KANK4: variants seen among roughly 807,000 people sequenced by gnomAD.
KANK4 encodes the protein KN motif and ankyrin repeat domain-containing protein 4.
In KANK4, 50 loss-of-function variants were observed where a neutral mutation model predicts 80.8. The observed-to-expected ratio is 0.62, with a 90% CI of 0.49 to 0.78. The LOEUF is 0.78. KANK4 is among the 30% of genes least tolerant of loss of function. The pLI is 0.00. For missense variants in KANK4, 1,196 were observed against 1,240.1 expected (o/e 0.96, Z 0.53); for synonymous variants, 465 against 506.9 (o/e 0.92, Z 1.11).
intron 2 of KANK4, among the ~76,000 whole-genome samples, chr1:62,276,476 T>C (rs12031172): frequency 0.4 from 60,120 of 151,570 alleles, 12,659 homozygotes; most frequent in African/African-American, 0.53. Flanking sequence ...ACAGGTAAAA[T>C]AAGATTATTG....
At chr1:62,244,035 G>C (rs1054242604) in intron 9 of KANK4, among the ~76,000 whole-genome samples, 2 of 151,634 alleles carry the variant, frequency 1.3e-5, no homozygotes, top group African/African-American at 4.8e-5. Context: ...GCTCCTAGAT[G>C]TCAGATTCAG....
In KANK4 at chr1:62,279,438, G is replaced by C. The variant is rs1031144375; in HGVS notation, c.16+2111C>G. 3.3e-5 allele frequency among the ~76,000 whole-genome samples: 5 copies of C among 152,156 alleles called. No individual in the cohort carries two copies. The South Asian group carries it at 1.0e-3, about 32-fold the overall frequency. ...GGGAGCTCAGAATTCCAGGCACTGGGCCAGGGTGAGAATCAGTTAGGAAGA... is the reference window on the plus strand; with the variant it reads ...GGGAGCTCAGAATTCCAGGCACTGGCCCAGGGTGAGAATCAGTTAGGAAGA... On this transcript the variant is annotated intron_variant, in intron 2 of 9. Transcript: ENST00000371153.
At chr1:62,267,336 C>T (rs1672046813) in intron 5 of KANK4, among the ~76,000 whole-genome samples, 1 of 152,176 alleles carries the variant, frequency 6.6e-6, no homozygotes, top group South Asian at 2.1e-4. Flanking sequence ...GTGACAAGCA[C>T]TCTTCCTGTG....
rs1672246316 is a variant in KANK4, at chr1:62,274,213, C to T, written c.891G>A (p.Glu297=). The T allele has an allele frequency of 6.2e-7, 1 of 1,614,122 alleles. No individual in the cohort carries two copies. Among genetic ancestry groups the T allele is most frequent in the African/African-American group, 1.3e-5 (1 of 75,030 alleles). The part of the protein sequence containing the change: ...PPLPSPIPEN[E]LLLEEIELNI... ...TGAGCTCGATTTCTTCCAGGAGGAG[C>T]TCATTCTCAGGGATGGGTGATGGCA... Residue 297 remains glutamate, a synonymous_variant, in exon 3 of 10, where the codon GAG becomes GAA. Coordinates refer to ENST00000371153, the MANE Select transcript of KANK4 (RefSeq NM_181712.5).
At position 62,271,607 on chromosome 1, in the gene KANK4, C is replaced by T; in HGVS notation, c.1901-18G>A. 6.4e-7 allele frequency: 1 copy of T among 1,556,058 alleles called. No individual in the cohort carries two copies. The highest frequency in any genetic ancestry group is 1.7e-4 in the Middle Eastern group (1 of 5,962). On this transcript the variant is annotated intron_variant, in intron 3 of 9. Coordinates refer to ENST00000371153, the MANE Select transcript of KANK4 (RefSeq NM_181712.5). ...GGAGATCTCTAGGCAGACACAACAT[C>T]ACAGGTTAGAATGATCTTGGGGATG... is the stretch of plus-strand genomic sequence containing the variant.
Position 62,274,799 on chromosome 1 carries a change from C to T in KANK4, c.305G>A (p.Gly102Glu). Reference sequence around the variant, plus strand: ...TGGTGACTGGTTTTGCTCCTGTGTCCCAAGTGATGCCTCCCTTGGCACCAC... The same window carrying T: ...TGGTGACTGGTTTTGCTCCTGTGTCTCAAGTGATGCCTCCCTTGGCACCAC... ...SPVVPREASL[G>E]TQEQNQSPPL... The change falls in exon 3 of 10, where the codon GGG becomes GAG. Residue 102 changes from glycine to glutamate, a missense_variant. This residue lies in a region of KANK4 where 1,154 missense variants were observed against 1,179.6 expected (regional missense o/e 0.98). Coordinates refer to ENST00000371153, the MANE Select transcript of KANK4 (RefSeq NM_181712.5). 6.2e-7 allele frequency: 1 copy of T among 1,614,096 alleles called. No individual in the cohort carries two copies. The highest frequency in any genetic ancestry group is 1.1e-5 in the South Asian group (1 of 91,070).
At chr1:62,316,150 C>T (rs1453029239) in intron 1 of KANK4, among the ~76,000 whole-genome samples, 4 of 152,228 alleles carry the variant, frequency 2.6e-5, no homozygotes, top group Non-Finnish European at 4.4e-5. Flanking sequence ...CCACCAAGGG[C>T]GTCCCCCAGT....
chr1:62,274,959 C>T lies in KANK4; in HGVS notation c.145G>A (p.Gly49Arg). The T allele has an allele frequency of 3.7e-6, 6 of 1,614,090 alleles. No homozygotes were observed. Among genetic ancestry groups the T allele is most frequent in the Non-Finnish European group, 5.1e-6 (6 of 1,180,010 alleles). The change falls in exon 3 of 10, where the codon GGA becomes AGA. Residue 49 changes from glycine to arginine, a missense_variant. Gly to Arg is a moderately radical substitution (Grantham distance 125). This residue lies in a region of KANK4 where 6 missense variants were observed against 26.4 expected (regional missense o/e 0.23). Transcript: ENST00000371153. ...ATAGGAATTCTTTTGATAGTGTTTC[C>T]CTTCTCGATGTCATCCACATACTTG... is the stretch of plus-strand genomic sequence containing the variant. ...FLKYVDDIEK[G>R]NTIKRIPIHR...
chr1:62,271,697 G>T, intron 3 of KANK4, 108 bp from the exon 4 acceptor site: 1 of 798,468 alleles, frequency 1.3e-6, no homozygotes. Context: ...GTGTGGAGAG[G>T]TAAGGAGGGA....
chr1:62,296,525 G>A (rs1046222528), intron 1 of KANK4, among the ~76,000 whole-genome samples: 1 of 152,176 alleles, frequency 6.6e-6, no homozygotes. Flanking sequence ...CGAAAGCACA[G>A]AAATTATTTT....
chr1:62,266,859 A>G, intron 5 of KANK4, 40 bp from the exon 6 acceptor site: 3 of 1,241,506 alleles, frequency 2.4e-6, no homozygotes, highest in Non-Finnish European at 3.5e-6. Flanking sequence ...TTATATAATC[A>G]TTTTCAAGTT....
In KANK4 at chr1:62,273,975, T is replaced by C. The variant is rs1672238817; in HGVS notation, c.1129A>G (p.Ile377Val). 6.2e-7 allele frequency: 1 copy of C among 1,614,208 alleles called. No homozygotes were observed. The highest frequency in any genetic ancestry group is 8.5e-7 in the Non-Finnish European group (1 of 1,180,048). Residue 377 changes from isoleucine to valine, a missense_variant, in exon 3 of 10, where the codon ATC (isoleucine) becomes GTC (valine). Physicochemically the swap from Ile to Val is conservative, Grantham distance 29. Coordinates refer to ENST00000371153, the MANE Select transcript of KANK4 (RefSeq NM_181712.5). ...CGAATTCTTTGCTCCCTAGCTTTGA[T>C]TTCCTCTTCCTGCTGCTGGAGAGCA... ...RTALQQQEEE[I>V]KAREQRIREL...
At chr1:62,295,693 T>C (rs1644358054) in intron 1 of KANK4, among the ~76,000 whole-genome samples, 1 of 152,248 alleles carries the variant, frequency 6.6e-6, no homozygotes, top group African/African-American at 2.4e-5. Context: ...TTGAGACTCC[T>C]AACCCAGTGC....
Position 62,274,365 on chromosome 1 carries a change from G to C in KANK4, c.739C>G (p.Leu247Val), listed in dbSNP as rs1334631307. Residue 247 changes from leucine (L) to valine (V), a missense_variant, in exon 3 of 10, where the codon CTC (leucine) becomes GTC (valine). Leu to Val is a conservative substitution (Grantham distance 32). Coordinates refer to ENST00000371153, the MANE Select transcript of KANK4 (RefSeq NM_181712.5). ...GVVKVPNHLP[L>V]PGPPFSFQNV... The stretch of plus-strand genomic sequence containing the variant: ...TGGAATGAGAAAGGAGGGCCTGGGA[G>C]AGGGAGGTGATTTGGAACCTTCACC... 4 of 1,614,074 alleles carry C rather than the reference G, an allele frequency of 2.5e-6. No individual in the cohort carries two copies. The highest frequency in any genetic ancestry group is 1.3e-5 in the African/African-American group (1 of 74,930).
At chr1:62,258,437 A>G (rs1224506603) in intron 7 of KANK4, among the ~76,000 whole-genome samples, 2 of 152,218 alleles carry the variant, frequency 1.3e-5, no homozygotes, top group Non-Finnish European at 2.9e-5. Context: ...AATCAATAAC[A>G]TCAGCTCACT....
chr1:62,250,931 G>C lies in KANK4; in HGVS notation c.2682+2136C>G, dbSNP rs143407477. On this transcript the variant is annotated intron_variant, in intron 8 of 9. Transcript: ENST00000371153. ...TACTATCTGCAATCTCTCTGGGGGA[G>C]TGTAGGACAGTGGTGCTTAATATAT... is the stretch of plus-strand genomic sequence containing the variant. Among the ~76,000 whole-genome samples, 26 of 152,344 alleles carry C rather than the reference G, an allele frequency of 1.7e-4. No individual in the cohort carries two copies. In the East Asian group the frequency reaches 2.5e-3, roughly 15 times the overall value.
At chr1:62,241,095 C>A (rs1257825445) in intron 9 of KANK4, among the ~76,000 whole-genome samples, 1 of 152,162 alleles carries the variant, frequency 6.6e-6, no homozygotes, top group Non-Finnish European at 1.5e-5. Flanking sequence ...AGATTTACTT[C>A]CTAAAATATG....
At chr1:62,282,983 C>T (rs931132505) in intron 1 of KANK4, among the ~76,000 whole-genome samples, 2 of 152,172 alleles carry the variant, frequency 1.3e-5, no homozygotes, top group African/African-American at 4.8e-5. Context: ...TGAGAGTGGC[C>T]GCCAAGGAGG....
chr1:62,296,131 C>T lies in KANK4; in HGVS notation c.-70-14497G>A, dbSNP rs150975473. On this transcript the variant is annotated intron_variant, in intron 1 of 9. Transcript: ENST00000371153. ...TTGGAAGCAATCCAAACCTTCACTG[C>T]GGTCTCTAGAGAAAATACCAAACGG... is the stretch of plus-strand genomic sequence containing the variant. 7.5e-3 allele frequency among the ~76,000 whole-genome samples: 1,140 copies of T among 152,352 alleles called. 8 individuals carry two copies. The highest frequency in any genetic ancestry group is 0.013 in the Admixed American group (201 of 15,314).
Sources: allele counts gnomAD v4.1 joint callset (sites outside exome capture counted in the v4.1 genomes callset), GRCh38; gene constraint gnomAD v4.1.1; regional missense constraint gnomAD v4.1.1; transcripts MANE v1.5; gene names NCBI Gene and HGNC (gene_info 2026-07-23, HGNC 2026-07-21).